MREG: variants seen among roughly 807,000 people sequenced by gnomAD.
MREG encodes dilute suppressor protein homolog.
MREG carries 31 observed loss-of-function variants against 28.5 expected under a neutral mutation model. The observed-to-expected ratio is 1.09, with a 90% confidence interval of 0.82 to 1.47. MREG has a LOEUF of 1.47. Among genes scored for constraint, MREG ranks in the 40% most tolerant of loss-of-function variants. The probability of loss-of-function intolerance (pLI) is 0.00; values close to 1 mark genes in which losing one functional copy is unlikely to be tolerated. For synonymous variants in MREG, 106 were observed against 95.2 expected, an observed-to-expected ratio of 1.11 and a Z score of -0.66; for missense variants, 256 against 257.4, an observed-to-expected ratio of 0.99 and a Z score of 0.04.
chr2:215,942,908 G>A lies in MREG; in HGVS notation c.*1955C>T, dbSNP rs1692219085. 6.6e-6 allele frequency: 1 copy of A among 152,606 alleles called. No individual in the cohort carries two copies. The highest frequency in any genetic ancestry group is 6.5e-5 in the Admixed American group (1 of 15,296). 9.5% of individuals were successfully genotyped at this position (152,606 alleles called of 1,614,324 possible). On this transcript the variant is annotated 3_prime_UTR_variant, in exon 5 of 5. Coordinates refer to ENST00000263268, the MANE Select transcript of MREG (RefSeq NM_018000.3). ...TGCAGGCTAATTTTACATAACATGA[G>A]GCAAAGATTAAGCACTAAATATAAA...
At chr2:215,971,930 C>A (rs1280457672) in intron 2 of MREG, among the ~76,000 whole-genome samples, 1 of 152,208 alleles carries the variant, frequency 6.6e-6, no homozygotes, top group African/African-American at 2.4e-5. Context: ...CCTTACCTAA[C>A]CCATCAGATG....
chr2:215,995,509 A>ACCCCCCCCCCCC, intron 2 of MREG, among the ~76,000 whole-genome samples: 1 of 95,140 alleles, frequency 1.1e-5, no homozygotes, highest in Non-Finnish European at 2.2e-5. Flanking sequence ...CACCCACCCC[A>ACCCCCCCCCCCC]CCCCCCGCCA....
chr2:215,984,194 A>C (rs1381052821), intron 2 of MREG, among the ~76,000 whole-genome samples: 1 of 152,178 alleles, frequency 6.6e-6, no homozygotes, highest in African/African-American at 2.4e-5. Context: ...AAACCATCAG[A>C]TCTCATGACA....
At chr2:216,012,556 T>C (rs1475499168) in intron 1 of MREG, among the ~76,000 whole-genome samples, 1 of 152,208 alleles carries the variant, frequency 6.6e-6, no homozygotes, top group Non-Finnish European at 1.5e-5. Context: ...CCAGCCTCGA[T>C]TTCAGCAAAC....
chr2:216,029,339 G>A (rs755978077), intron 1 of MREG, among the ~76,000 whole-genome samples: 3 of 152,148 alleles, frequency 2.0e-5, no homozygotes, highest in African/African-American at 4.8e-5. Context: ...TTAGCTGGGC[G>A]TGGTGGCGCG....
At position 215,971,491 on chromosome 2, in the gene MREG, T is replaced by A. The variant is rs142936965; in HGVS notation, c.256-24378A>T. Among the ~76,000 whole-genome samples, 4 of 152,244 alleles carry A rather than the reference T, an allele frequency of 2.6e-5. No homozygotes were observed. In the East Asian group the frequency reaches 7.7e-4, roughly 29 times the overall value. On this transcript the variant is annotated intron_variant, in intron 2 of 4. Transcript: ENST00000263268. The stretch of plus-strand genomic sequence containing the variant: ...TAAGCGGTAAATACTATGTCATGGA[T>A]CAAAATATTAAGAAGTCAATGAAAT...
At chr2:215,984,628 A>T (rs561524911) in intron 2 of MREG, among the ~76,000 whole-genome samples, 4 of 152,162 alleles carry the variant, frequency 2.6e-5, no homozygotes, top group Non-Finnish European at 5.9e-5. Context: ...AGAGGCACTA[A>T]AACAGGTCAG....
chr2:215,968,133 A>C (rs1692995711), intron 2 of MREG, among the ~76,000 whole-genome samples: 1 of 152,208 alleles, frequency 6.6e-6, no homozygotes, highest in Admixed American at 6.5e-5. Flanking sequence ...TTAGATGAGA[A>C]AACAGGCCCA....
intron 2 of MREG, among the ~76,000 whole-genome samples, chr2:215,960,314 C>A (rs908561344): frequency 6.6e-6 from 1 of 152,176 alleles, no homozygotes; most frequent in Admixed American, 6.5e-5. Context: ...GTATAGGCTA[C>A]CTGACCACAA....
intron 2 of MREG, among the ~76,000 whole-genome samples, chr2:215,994,656 G>A (rs1255825699): frequency 6.6e-6 from 1 of 151,842 alleles, no homozygotes; most frequent in Non-Finnish European, 1.5e-5. Context: ...GGAAGCTTCT[G>A]GAGGACCCAT....
At chr2:215,942,121 C>T (rs1235213815), downstream of MREG, among the ~76,000 whole-genome samples, 2 of 152,090 alleles carry the variant, frequency 1.3e-5, no homozygotes, top group Non-Finnish European at 2.9e-5. Context: ...ACTGTAAAAC[C>T]AGGTGTTTGA....
chr2:216,033,175 C>A (rs1181304846), upstream of MREG, among the ~76,000 whole-genome samples: 1 of 152,054 alleles, frequency 6.6e-6, no homozygotes, highest in Non-Finnish European at 1.5e-5. Context: ...TATCTGCCAC[C>A]CAGCTTAGAC....
At chr2:215,996,540 A>G (rs1243189868) in intron 1 of MREG, 75 bp from the exon 2 acceptor site, 1 of 1,048,752 alleles carries the variant, frequency 9.5e-7, no homozygotes, top group Non-Finnish European at 1.4e-6. Context: ...CATGCAACAT[A>G]CAATATCAAT....
chr2:215,981,895 G>A (rs1693435915), intron 2 of MREG, among the ~76,000 whole-genome samples: 2 of 152,258 alleles, frequency 1.3e-5, no homozygotes, highest in Admixed American at 6.5e-5. Context: ...TGATTCCAGA[G>A]CCCATGTTCT....
chr2:215,944,017 T>C lies in MREG; in HGVS notation c.*846A>G, dbSNP rs1483047413. On this transcript the variant is annotated 3_prime_UTR_variant, in exon 5 of 5. Coordinates refer to ENST00000263268, the MANE Select transcript of MREG (RefSeq NM_018000.3). ...TTTTTTGAGACGGAGTCTCGCTCTG[T>C]CGCCCAGGCTGGAGTGCAATGGTGC... 1.7e-5 allele frequency: 2 copies of C among 117,006 alleles called. No homozygotes were observed. The highest frequency in any genetic ancestry group is 6.6e-5 in the African/African-American group (2 of 30,174). 7.2% of individuals were successfully genotyped at this position (117,006 alleles called of 1,614,324 possible).
In MREG at chr2:215,971,286, T is replaced by A. The variant is rs146351518; in HGVS notation, c.256-24173A>T. Reference sequence around the variant, plus strand: ...CAAACCTGCACATTCTGCACATGCATCCCAGAACTTAAAGCAAAATTTAAA... The same window carrying A: ...CAAACCTGCACATTCTGCACATGCAACCCAGAACTTAAAGCAAAATTTAAA... On this transcript the variant is annotated intron_variant, in intron 2 of 4. Coordinates refer to ENST00000263268, the MANE Select transcript of MREG (RefSeq NM_018000.3). 2.2e-4 allele frequency among the ~76,000 whole-genome samples: 33 copies of A among 152,194 alleles called. No homozygotes were observed. In the East Asian group the frequency reaches 6.2e-3, roughly 28 times the overall value.
intron 1 of MREG, among the ~76,000 whole-genome samples, chr2:216,002,119 T>C (rs1694030542): frequency 6.6e-6 from 1 of 152,162 alleles, no homozygotes; most frequent in African/African-American, 2.4e-5. Context: ...TGATGATAAA[T>C]ATTTTATTAA....
upstream of MREG, among the ~76,000 whole-genome samples, chr2:216,015,376 G>A (rs564346017): frequency 4.6e-5 from 7 of 152,100 alleles, no homozygotes; most frequent in African/African-American, 9.7e-5. Context: ...CCCAGAGGAG[G>A]GAGAATGAAC....
chr2:215,991,606 G>A (rs1693722639), intron 2 of MREG, among the ~76,000 whole-genome samples: 1 of 151,956 alleles, frequency 6.6e-6, no homozygotes, highest in South Asian at 2.1e-4. Flanking sequence ...AATGAATCCA[G>A]GAGCTGGCTT....
Sources: allele counts gnomAD v4.1 joint callset (sites outside exome capture counted in the v4.1 genomes callset), GRCh38; gene constraint gnomAD v4.1.1; transcripts MANE v1.5; gene names NCBI Gene and HGNC (gene_info 2026-07-23, HGNC 2026-07-21).